DMTF1: variants seen among roughly 807,000 people sequenced by gnomAD.
DMTF1 encodes cyclin D binding myb like transcription factor 1, also known as cyclin-D-binding Myb-like transcription factor 1.
Under a neutral mutation model 91.1 loss-of-function variants are expected in DMTF1, and 39 were observed. That is an observed-to-expected ratio of 0.43 (90% CI 0.33 to 0.56). DMTF1 has a LOEUF of 0.56. DMTF1 is among the 20% of genes least tolerant of loss of function. The probability of loss-of-function intolerance (pLI) is 0.05; values close to 1 mark genes in which losing one functional copy is unlikely to be tolerated. For synonymous variants in DMTF1, 338 were observed against 309.5 expected (o/e 1.09, Z -0.97); for missense variants, 750 against 914.5 (o/e 0.82, Z 2.32).
chr7:87,179,922 GCTTA>G (rs1276402918), intron 8 of DMTF1, among the ~76,000 whole-genome samples: 2 of 152,016 alleles, frequency 1.3e-5, no homozygotes, highest in East Asian at 3.8e-4. Flanking sequence ...TTAAGACTTG[GCTTA>G]CTTAATATGT....
At chr7:87,162,391 T>G (rs917211556) in intron 1 of DMTF1, among the ~76,000 whole-genome samples, 1 of 152,162 alleles carries the variant, frequency 6.6e-6, no homozygotes, top group Non-Finnish European at 1.5e-5. Context: ...TAACTTTTGT[T>G]AGATGCCTAC....
At chr7:87,159,493 C>G (rs1280973181) in intron 1 of DMTF1, among the ~76,000 whole-genome samples, 1 of 152,146 alleles carries the variant, frequency 6.6e-6, no homozygotes, top group Non-Finnish European at 1.5e-5. Context: ...TTGCTGCTAC[C>G]CTCAGGTATT....
rs537974654 is a variant in DMTF1, at chr7:87,186,080, A to G, written c.1201+100A>G. The G allele has an allele frequency of 7.0e-5, 91 of 1,302,958 alleles. No homozygotes were observed. The South Asian group carries it at 1.1e-3, about 16-fold the overall frequency. The allele number at this position is 1,302,958 out of a possible 1,614,324, so 80.7% of individuals were successfully genotyped here. A position where few individuals can be genotyped will look rare whatever the true frequency, so the allele number is the denominator to read the frequency against. On this transcript the variant is annotated intron_variant, in intron 12 of 17. Transcript: ENST00000331242. ...GTTCTTTGCCCCAGCTAGAGATATC[A>G]TAGCAGATTTCTACTTACACCACTT...
rs1801148757 is a variant in DMTF1 at position 87,196,000 on chromosome 7, CCT to C, written c.*864_*865del. 6.6e-6 allele frequency: 1 copy of C among 151,678 alleles called. No homozygotes were observed. Among genetic ancestry groups the C allele is most frequent in the Non-Finnish European group, 1.5e-5 (1 of 67,844 alleles). The allele number at this position is 151,678 out of a possible 1,614,324, so 9.4% of individuals were successfully genotyped here. The stretch of plus-strand genomic sequence containing the variant: ...TGTTAGCTGGTGGGGTACAATATAA[CCT>C]CTCATCTCAGGCTATTTTAAAAAAA... On this transcript the variant is annotated 3_prime_UTR_variant, in exon 18 of 18. Transcript: ENST00000331242.
chr7:87,177,190 T>C (rs1459891770), intron 7 of DMTF1, among the ~76,000 whole-genome samples: 1 of 152,216 alleles, frequency 6.6e-6, no homozygotes, highest in African/African-American at 2.4e-5. Flanking sequence ...TCTCTGGATA[T>C]TCTGTAACTC....
At chr7:87,179,901 A>G (rs1473576676) in intron 8 of DMTF1, among the ~76,000 whole-genome samples, 199 bp downstream of exon 8, 1 of 152,196 alleles carries the variant, frequency 6.6e-6, no homozygotes, top group Non-Finnish European at 1.5e-5. Context: ...TTCACTTTAT[A>G]TAGGTTAGAT....
intron 7 of DMTF1, among the ~76,000 whole-genome samples, chr7:87,178,027 G>C (rs1796600025): frequency 6.6e-6 from 1 of 152,074 alleles, no homozygotes; most frequent in Non-Finnish European, 1.5e-5. Context: ...CACTCAAATG[G>C]AGTTTTTATT....
chr7:87,172,385 A>G (rs1254304181), intron 5 of DMTF1, among the ~76,000 whole-genome samples: 1 of 152,222 alleles, frequency 6.6e-6, no homozygotes, highest in African/African-American at 2.4e-5. Flanking sequence ...TTTCATAAAC[A>G]CACTATATGT....
intron 14 of DMTF1, chr7:87,192,883 G>T: frequency 4.7e-6 from 1 of 211,046 alleles, no homozygotes; most frequent in Non-Finnish European, 9.5e-6. Flanking sequence ...CAGTTTTTAC[G>T]TGCTACAAAG....
chr7:87,152,839 C>A (rs1000197216), intron 1 of DMTF1: 2 of 154,116 alleles, frequency 1.3e-5, no homozygotes, highest in African/African-American at 4.8e-5. Context: ...CCGGCGGGGG[C>A]GGAAAATGGC....
chr7:87,191,079 T>C, intron 14 of DMTF1, 52 bp downstream of exon 14: 1 of 1,177,680 alleles, frequency 8.5e-7, no homozygotes, highest in Non-Finnish European at 1.2e-6. Flanking sequence ...GAAAGATCAG[T>C]TGCTATCACT....
In DMTF1 at chr7:87,195,598, G is replaced by C. The variant is rs532684946; in HGVS notation, c.*458G>C. On this transcript the variant is annotated 3_prime_UTR_variant, in exon 18 of 18. Transcript: ENST00000331242. ...CCAGTGATCTTCTGATCTTCAAGAA[G>C]ACTAAGTTTGAGACTTGACCAGCAT... 9.1e-5 allele frequency: 14 copies of C among 153,768 alleles called. No homozygotes were observed. In the South Asian group the frequency reaches 1.6e-3, roughly 18 times the overall value. 9.5% of individuals were successfully genotyped at this position (153,768 alleles called of 1,614,324 possible).
chr7:87,186,436 A>G (rs1798454342), intron 12 of DMTF1: 1 of 154,796 alleles, frequency 6.5e-6, no homozygotes, highest in East Asian at 1.9e-4. Flanking sequence ...TTTCGTAGAG[A>G]TGAGGTCTTG....
chr7:87,163,658 A>G (rs993988159), intron 2 of DMTF1, 41 bp downstream of exon 2: 1 of 152,172 alleles, frequency 6.6e-6, no homozygotes, highest in African/African-American at 2.4e-5. Context: ...ATGATTTGCA[A>G]ATTTGTCAAA....
chr7:87,194,701 T>G lies in DMTF1; in HGVS notation c.2046T>G (p.Thr682=). ...AYVTEGLESP[T]IEEQVDQTID... The stretch of plus-strand genomic sequence containing the variant: ...TTATTTAGGGTTTAGAGTCTCCCAC[T>G]ATAGAAGAACAAGTTGATCAAACAA... The change falls in exon 17 of 18, where the codon ACT becomes ACG. Residue 682 remains threonine, a synonymous_variant. Coordinates refer to ENST00000331242, the MANE Select transcript of DMTF1 (RefSeq NM_001142327.2). The G allele has an allele frequency of 6.2e-7, 1 of 1,608,798 alleles. No homozygotes were observed.
chr7:87,188,408 C>T (rs553104943), intron 13 of DMTF1, 107 bp downstream of exon 13: 60 of 1,160,824 alleles, frequency 5.2e-5, no homozygotes, highest in Middle Eastern at 2.0e-4. Flanking sequence ...TTACCCAAGT[C>T]GGTGAACTGA....
intron 11 of DMTF1, 120 bp from the exon 12 acceptor site, chr7:87,185,709 C>T (rs1375809171): frequency 1.8e-6 from 2 of 1,093,396 alleles, no homozygotes; most frequent in African/African-American, 1.6e-5. Context: ...TTAACAATAG[C>T]ATCTCATTGG....
intron 1 of DMTF1, among the ~76,000 whole-genome samples, chr7:87,156,654 C>G: frequency 6.6e-6 from 1 of 152,112 alleles, no homozygotes; most frequent in Admixed American, 6.5e-5. Flanking sequence ...TACCTCTTGT[C>G]TGACAGCCCT....
chr7:87,194,417 AG>A (rs1482406992), intron 16 of DMTF1: 1 of 487,448 alleles, frequency 2.1e-6, no homozygotes, highest in Non-Finnish European at 3.6e-6. Flanking sequence ...GGTTCAGCCT[AG>A]GAACATCATC....
Sources: gnomAD v4.1 joint callset for allele counts (sites outside exome capture counted in the v4.1 genomes callset) on GRCh38, gnomAD v4.1.1 for gene constraint, MANE v1.5 for transcripts, NCBI Gene and HGNC (gene_info 2026-07-23, HGNC 2026-07-21) for gene names.